The following NCAM2 variants were observed in gnomAD, a reference collection of about 807,000 sequenced individuals.
NCAM2 encodes N-CAM-2.
NCAM2 carries 30 observed loss-of-function variants against 98.1 expected under a neutral mutation model. The observed-to-expected ratio is 0.31, with a 90% CI of 0.23 to 0.41. The LOEUF (loss-of-function observed/expected upper bound fraction) is 0.41, where lower values mean the gene tolerates loss of function less well. NCAM2 is among the 10% of genes least tolerant of loss of function. NCAM2 has a pLI of 1.00. For missense variants in NCAM2, 867 were observed against 1,005.8 expected, an observed-to-expected ratio of 0.86 and a Z score of 1.87; for synonymous variants, 368 against 342.4, an observed-to-expected ratio of 1.07 and a Z score of -0.83.
intron 1 of NCAM2, among the ~76,000 whole-genome samples, chr21:21,228,088 C>T (rs2070462373): frequency 1.3e-5 from 2 of 151,458 alleles, no homozygotes; most frequent in South Asian, 4.1e-4. Context: ...GCATCAATAA[C>T]AAAAGAACAG....
intron 1 of NCAM2, among the ~76,000 whole-genome samples, chr21:21,165,798 T>G (rs1446324132): frequency 1.3e-5 from 2 of 152,238 alleles, no homozygotes; most frequent in East Asian, 3.8e-4. Flanking sequence ...CCTTCCCAAA[T>G]GAATTGGCCC....
chr21:21,317,947 C>T (rs891973526), intron 5 of NCAM2, among the ~76,000 whole-genome samples: 1 of 152,180 alleles, frequency 6.6e-6, no homozygotes, highest in African/African-American at 2.4e-5. Flanking sequence ...ATTCTCAGAT[C>T]AGTTTCTGCA....
At chr21:21,493,816 C>A (rs915683721) in intron 15 of NCAM2, among the ~76,000 whole-genome samples, 4 of 151,874 alleles carry the variant, frequency 2.6e-5, no homozygotes, top group African/African-American at 9.7e-5. Flanking sequence ...CATTATGTAG[C>A]CTTTGCAAAT....
intron 6 of NCAM2, among the ~76,000 whole-genome samples, chr21:21,326,630 A>G (rs1490758645): frequency 6.6e-6 from 1 of 152,110 alleles, no homozygotes; most frequent in East Asian, 1.9e-4. Context: ...TATTATATAG[A>G]CTAGTATAAA....
intron 1 of NCAM2, among the ~76,000 whole-genome samples, chr21:21,275,913 G>C (rs555621199): frequency 1.3e-5 from 2 of 152,072 alleles, no homozygotes; most frequent in South Asian, 4.2e-4. Flanking sequence ...CAAGTCAGTT[G>C]TTTCTGATAT....
intron 1 of NCAM2, among the ~76,000 whole-genome samples, chr21:21,038,848 T>C (rs1233591089): frequency 1.3e-5 from 2 of 152,170 alleles, no homozygotes; most frequent in Non-Finnish European, 2.9e-5. Context: ...AGCATGGCTC[T>C]GTGTGAGGAA....
chr21:21,314,524 T>C (rs1028539811), intron 5 of NCAM2, among the ~76,000 whole-genome samples: 2 of 152,160 alleles, frequency 1.3e-5, no homozygotes, highest in Admixed American at 6.6e-5. Context: ...AGATGTCAGA[T>C]GCATTGATAC....
intron 6 of NCAM2, among the ~76,000 whole-genome samples, chr21:21,334,769 A>G (rs2074812545): frequency 1.3e-5 from 2 of 152,146 alleles, no homozygotes; most frequent in Non-Finnish European, 2.9e-5. Context: ...ACTGTAGATT[A>G]TAGTAAAAAA....
intron 1 of NCAM2, among the ~76,000 whole-genome samples, chr21:21,021,318 C>T (rs2064430728): frequency 6.6e-6 from 1 of 152,118 alleles, no homozygotes. Context: ...GCCATCCATT[C>T]TGCCATGCTC....
At chr21:21,195,660 G>A (rs2068978142) in intron 1 of NCAM2, among the ~76,000 whole-genome samples, 1 of 152,160 alleles carries the variant, frequency 6.6e-6, no homozygotes, top group Admixed American at 6.5e-5. Flanking sequence ...TGTAGAAAAG[G>A]ATAAGAAAAT....
intron 7 of NCAM2, among the ~76,000 whole-genome samples, 158 bp from the exon 8 acceptor site, chr21:21,338,231 G>T (rs1013162448): frequency 1.1e-4 from 16 of 151,958 alleles, no homozygotes; most frequent in African/African-American, 3.9e-4. Context: ...CTATTCAACT[G>T]TCCTGGTACG....
chr21:21,308,843 C>CT (rs1002056429), intron 5 of NCAM2, among the ~76,000 whole-genome samples: 1 of 151,726 alleles, frequency 6.6e-6, no homozygotes, highest in Admixed American at 6.6e-5. Context: ...ATTTTCTTTC[C>CT]TTTTTTTCCT....
intron 1 of NCAM2, among the ~76,000 whole-genome samples, chr21:21,022,069 G>A (rs1046291568): frequency 2.6e-5 from 4 of 152,010 alleles, no homozygotes; most frequent in African/African-American, 4.8e-5. Flanking sequence ...GGCTGTGATG[G>A]CTTTTATAAA....
At chr21:21,433,468 G>A (rs1230943280) in intron 12 of NCAM2, among the ~76,000 whole-genome samples, 4 of 151,810 alleles carry the variant, frequency 2.6e-5, no homozygotes, top group East Asian at 1.9e-4. Context: ...GGCCAGGAGC[G>A]GTGGCTCATG....
chr21:21,284,595 G>A (rs566120310), intron 3 of NCAM2, among the ~76,000 whole-genome samples, 195 bp downstream of exon 3: 1 of 151,494 alleles, frequency 6.6e-6, no homozygotes, highest in East Asian at 1.9e-4. Flanking sequence ...CATATATAGG[G>A]CATCAATTAT....
intron 1 of NCAM2, among the ~76,000 whole-genome samples, chr21:21,179,430 A>G (rs572313787): frequency 1.3e-5 from 2 of 152,130 alleles, no homozygotes; most frequent in Non-Finnish European, 1.5e-5. Context: ...TCCTCCCCTC[A>G]TATACTGTTT....
At chr21:21,436,685 A>T (rs1398000898) in intron 12 of NCAM2, among the ~76,000 whole-genome samples, 1 of 151,980 alleles carries the variant, frequency 6.6e-6, no homozygotes, top group East Asian at 1.9e-4. Context: ...GGATTATTTT[A>T]TAGCACCTCT....
chr21:21,165,278 A>C (rs1183749671), intron 1 of NCAM2, among the ~76,000 whole-genome samples: 6 of 152,204 alleles, frequency 3.9e-5, no homozygotes, highest in Non-Finnish European at 8.8e-5. Flanking sequence ...AGTGCTGTCC[A>C]CTAGAGTAGT....
At chr21:21,503,281 G>T (rs545793762) in intron 15 of NCAM2, among the ~76,000 whole-genome samples, 9 of 151,876 alleles carry the variant, frequency 5.9e-5, no homozygotes, top group African/African-American at 2.2e-4. Flanking sequence ...TATTAAAATA[G>T]AACAATTACA....
Sources: allele counts gnomAD v4.1 joint callset (sites outside exome capture counted in the v4.1 genomes callset), GRCh38; gene constraint gnomAD v4.1.1; transcripts MANE v1.5; gene names NCBI Gene and HGNC (gene_info 2026-07-23, HGNC 2026-07-21).